Variants in INPP4B observed in about 807,000 individuals in gnomAD.
The protein encoded by INPP4B is inositol polyphosphate 4-phosphatase type II.
A neutral mutation model predicts 122.5 loss-of-function variants in INPP4B; 55 were observed. The ratio of observed to expected loss-of-function variants is 0.45; its 90% CI spans 0.36 to 0.56. INPP4B has a LOEUF of 0.56. INPP4B is among the 20% of genes least tolerant of loss of function. The pLI, the probability that INPP4B is intolerant of heterozygous loss-of-function variation, is 0.00. For synonymous variants in INPP4B, 403 were observed against 388.7 expected (o/e 1.04, Z -0.43); for missense variants, 1,000 against 1,097.7 (o/e 0.91, Z 1.26).
intron 17 of INPP4B, among the ~76,000 whole-genome samples, chr4:142,146,775 G>C (rs1246030897): frequency 6.6e-6 from 1 of 152,122 alleles, no homozygotes; most frequent in East Asian, 1.9e-4. Context: ...TGACCATACT[G>C]TCTTAGAACC....
At position 142,803,252 on chromosome 4, in the gene INPP4B, T is replaced by C. The variant is rs181194446; in HGVS notation, c.-254+42957A>G. Among the ~76,000 whole-genome samples the C allele has an allele frequency of 5.9e-3, 882 of 149,256 alleles. 6 individuals are homozygous for C. Among genetic ancestry groups the C allele is most frequent in the African/African-American group, 0.02 (807 of 40,438 alleles). On this transcript the variant is annotated intron_variant, in intron 1 of 25. Transcript: ENST00000262992. The stretch of plus-strand genomic sequence containing the variant: ...CCTTAAAGAACCTTATACAATAAAA[T>C]GGGTTTTTGCAGGAGCCATCAATTA...
chr4:142,698,752 G>A (rs1007925204), intron 2 of INPP4B, among the ~76,000 whole-genome samples: 2 of 152,172 alleles, frequency 1.3e-5, no homozygotes, highest in African/African-American at 2.4e-5. Context: ...TGCAGTCACA[G>A]ACTCAAGCCC....
intron 12 of INPP4B, among the ~76,000 whole-genome samples, chr4:142,221,417 A>C (rs537099575): frequency 3.3e-4 from 48 of 147,022 alleles, no homozygotes; most frequent in Middle Eastern, 3.4e-3. Flanking sequence ...AAAAAAAAAG[A>C]AATATAACAC....
chr4:142,051,439 T>C (rs907160213), intron 25 of INPP4B, among the ~76,000 whole-genome samples: 8 of 152,108 alleles, frequency 5.3e-5, no homozygotes, highest in African/African-American at 1.9e-4. Context: ...TAAGTGAGAC[T>C]TCTGGGAGCT....
intron 2 of INPP4B, among the ~76,000 whole-genome samples, chr4:142,629,557 T>G (rs1747446378): frequency 6.6e-6 from 1 of 152,058 alleles, no homozygotes; most frequent in Non-Finnish European, 1.5e-5. Flanking sequence ...CACTGAGGTG[T>G]TTTGTTAAGC....
intron 2 of INPP4B, among the ~76,000 whole-genome samples, chr4:142,558,793 TAAAAAAAAAAAAAA>T (rs34151070): frequency 3.6e-4 from 27 of 75,544 alleles, no homozygotes; most frequent in Non-Finnish European, 6.0e-4. Context: ...AGACTCCCTC[TAAAAAAAAAAAAAA>T]AAAAAAAAAA....
chr4:142,479,545 G>A (rs535340553), intron 2 of INPP4B, among the ~76,000 whole-genome samples: 3 of 152,144 alleles, frequency 2.0e-5, no homozygotes, highest in African/African-American at 7.2e-5. Flanking sequence ...CAATAGCAAA[G>A]TCAAGGAATC....
At chr4:142,453,372 T>G (rs534306309) in intron 3 of INPP4B, among the ~76,000 whole-genome samples, 19 of 152,296 alleles carry the variant, frequency 1.2e-4, no homozygotes, top group African/African-American at 3.8e-4. Context: ...TAGAGCTGAC[T>G]GAATTCCTTA....
intron 2 of INPP4B, among the ~76,000 whole-genome samples, chr4:142,643,066 CTT>C (rs1193351485): frequency 2.2e-4 from 34 of 152,098 alleles, no homozygotes; most frequent in African/African-American, 7.9e-4. Flanking sequence ...TTGACTCTCT[CTT>C]TGTCTGTTAT....
chr4:142,352,373 C>T (rs1022657443), intron 7 of INPP4B, among the ~76,000 whole-genome samples: 4 of 151,874 alleles, frequency 2.6e-5, no homozygotes, highest in Non-Finnish European at 5.9e-5. Flanking sequence ...TCCTCATTTG[C>T]TTCCAGGTCC....
intron 12 of INPP4B, among the ~76,000 whole-genome samples, chr4:142,223,059 G>C (rs189171553): frequency 1.3e-5 from 2 of 152,162 alleles, no homozygotes; most frequent in African/African-American, 4.8e-5. Flanking sequence ...GCATATAGTA[G>C]TTAGTCTCTT....
intron 2 of INPP4B, among the ~76,000 whole-genome samples, chr4:142,502,276 C>T (rs568659998): frequency 2.0e-5 from 3 of 152,172 alleles, no homozygotes; most frequent in African/African-American, 7.2e-5. Context: ...GAGGTCACAC[C>T]CAGGACCCAG....
At chr4:142,490,303 G>T (rs1410263719) in intron 2 of INPP4B, among the ~76,000 whole-genome samples, 1 of 151,916 alleles carries the variant, frequency 6.6e-6, no homozygotes, top group East Asian at 1.9e-4. Context: ...TGCTGGGGCT[G>T]GTCTCAAACT....
rs1181210618 is a variant in INPP4B, at chr4:142,027,418, G to A, written c.*1364C>T. ...TATTTTCAAGGGAGATTTATGCTTT[G>A]GATAGCATGCTCTTCTAATGAGAAA... is the stretch of plus-strand genomic sequence containing the variant. On this transcript the variant is annotated 3_prime_UTR_variant, in exon 26 of 26. Coordinates refer to ENST00000262992, the MANE Select transcript of INPP4B (RefSeq NM_001101669.3). 1 of 152,122 alleles carries A rather than the reference G, an allele frequency of 6.6e-6. No individual in the cohort carries two copies. The highest frequency in any genetic ancestry group is 6.5e-5 in the Admixed American group (1 of 15,274). 9.4% of individuals were successfully genotyped at this position (152,122 alleles called of 1,614,324 possible). A position where few individuals can be genotyped will look rare whatever the true frequency, so the allele number is the denominator to read the frequency against.
At position 142,537,145 on chromosome 4, in the gene INPP4B, G is replaced by T. The variant is rs187982819; in HGVS notation, c.-190-74419C>A. Among the ~76,000 whole-genome samples the T allele has an allele frequency of 2.3e-3, 357 of 152,026 alleles. No homozygotes were observed. In the Middle Eastern group the frequency reaches 0.034, roughly 14 times the overall value. ...CAAGTGTGATTCATAGGTAGCAAGAGAAAACTTTGGTGATATATATTCAAA... is the reference window on the plus strand; with the variant it reads ...CAAGTGTGATTCATAGGTAGCAAGATAAAACTTTGGTGATATATATTCAAA... On this transcript the variant is annotated intron_variant, in intron 2 of 25. Transcript: ENST00000262992.
intron 7 of INPP4B, among the ~76,000 whole-genome samples, chr4:142,320,844 A>G (rs1196790126): frequency 1.3e-5 from 2 of 152,160 alleles, no homozygotes; most frequent in African/African-American, 4.8e-5. Flanking sequence ...TTTATGGCTG[A>G]CCACATTTTC....
At chr4:142,806,849 AAGG>A (rs1391472014) in intron 1 of INPP4B, among the ~76,000 whole-genome samples, 19 of 150,028 alleles carry the variant, frequency 1.3e-4, no homozygotes, top group African/African-American at 2.8e-4. Context: ...GAAAGAAAGA[AAGG>A]AGAAGAAAAA....
chr4:142,595,802 A>C (rs1273892250), intron 2 of INPP4B, among the ~76,000 whole-genome samples: 1 of 152,058 alleles, frequency 6.6e-6, no homozygotes, highest in Non-Finnish European at 1.5e-5. Context: ...CCTTATTATA[A>C]ATCCACCTGA....
chr4:142,448,304 T>A (rs1284036088), intron 3 of INPP4B, among the ~76,000 whole-genome samples: 1 of 109,648 alleles, frequency 9.1e-6, no homozygotes, highest in Non-Finnish European at 1.7e-5. Flanking sequence ...AAGTGCCGAA[T>A]CAATTATTAT....
Sources: gnomAD v4.1 joint callset for allele counts (sites outside exome capture counted in the v4.1 genomes callset) on GRCh38, gnomAD v4.1.1 for gene constraint, MANE v1.5 for transcripts, NCBI Gene and HGNC (gene_info 2026-07-23, HGNC 2026-07-21) for gene names.